The following LMBRD2 variants were observed in gnomAD, a reference collection of about 807,000 sequenced individuals.
LMBRD2 encodes the protein G protein-coupled receptor-associated protein LMBRD2.
Under a neutral mutation model 94.4 loss-of-function variants are expected in LMBRD2, and 55 were observed. That is an observed-to-expected ratio of 0.58 (90% CI 0.47 to 0.73). LMBRD2 has a LOEUF of 0.73. Among genes scored for constraint, LMBRD2 ranks in the 30% least tolerant of loss-of-function variants. The pLI is 0.00. For missense variants in LMBRD2, 640 were observed against 831.9 expected (o/e 0.77, Z 2.84); for synonymous variants, 246 against 272.4 (o/e 0.90, Z 0.95).
intron 9 of LMBRD2, among the ~76,000 whole-genome samples, chr5:36,118,648 G>T (rs924699594): frequency 6.0e-5 from 8 of 133,284 alleles, no homozygotes; most frequent in Non-Finnish European, 1.0e-4. Context: ...TACTGTTTTG[G>T]TTTTTTGTTT....
intron 1 of LMBRD2, among the ~76,000 whole-genome samples, chr5:36,144,328 A>G (rs1744487773): frequency 6.6e-6 from 1 of 152,334 alleles, no homozygotes; most frequent in East Asian, 1.9e-4. Context: ...TTATCTACAT[A>G]CTACAGTATT....
chr5:36,112,051 G>GGA (rs10661979), intron 13 of LMBRD2, among the ~76,000 whole-genome samples: 11,210 of 149,984 alleles, frequency 0.075, 1,304 homozygotes, highest in African/African-American at 0.25. Flanking sequence ...AAGTGGTGAA[G>GGA]GAGAGAGAGA....
intron 1 of LMBRD2, chr5:36,147,792 T>C (rs528488415): frequency 2.9e-4 from 93 of 325,510 alleles, no homozygotes; most frequent in South Asian, 2.0e-3. Flanking sequence ...TCCAAATGTT[T>C]TGAGAGAGAG....
intron 6 of LMBRD2, 127 bp downstream of exon 6, chr5:36,136,182 A>G: frequency 1.2e-6 from 1 of 824,186 alleles, no homozygotes; most frequent in Admixed American, 1.8e-5. Context: ...ATCCTGAAGG[A>G]TTGCACAACA....
In LMBRD2 at chr5:36,116,442, A is replaced by C. The variant is rs1743745715; in HGVS notation, c.1436+18T>G. 1 of 1,608,374 alleles carries C rather than the reference A, an allele frequency of 6.2e-7. No homozygotes were observed. Among genetic ancestry groups the C allele is most frequent in the East Asian group, 2.2e-5 (1 of 44,822 alleles). On this transcript the variant is annotated intron_variant, in intron 11 of 17. Coordinates refer to ENST00000296603, the MANE Select transcript of LMBRD2 (RefSeq NM_001007527.2). Reference sequence around the variant, plus strand: ...CAATGATGACATTTCTCTTGTTTCTAAACATAATCCTACTTACATGCCACT... The same window carrying C: ...CAATGATGACATTTCTCTTGTTTCTCAACATAATCCTACTTACATGCCACT...
At position 36,143,177 on chromosome 5, in the gene LMBRD2, G is replaced by A. The variant is rs757181435; in HGVS notation, c.173C>T (p.Thr58Met). 9 of 1,590,122 alleles carry A rather than the reference G, an allele frequency of 5.7e-6. No homozygotes were observed. The highest frequency in any genetic ancestry group is 3.5e-5 in the Admixed American group (2 of 56,756). The change falls in exon 2 of 18, where the codon ACG becomes ATG. Residue 58 changes from threonine (T) to methionine (M), a missense_variant and splice_region_variant. By Grantham distance (81) the Thr-to-Met change is moderately conservative (BLOSUM62 -1). Coordinates refer to ENST00000296603, the MANE Select transcript of LMBRD2 (RefSeq NM_001007527.2). Reference sequence around the variant, plus strand: ...GTGAAAATAAATTTCACTCCTTACCGTACTAACATCCAGAGGCAGTATGAA... The same window carrying A: ...GTGAAAATAAATTTCACTCCTTACCATACTAACATCCAGAGGCAGTATGAA... ...IVFILPLDVS[T>M]TIYNRCKHAA...
intron 9 of LMBRD2, 49 bp downstream of exon 9, chr5:36,122,231 C>G: frequency 7.4e-7 from 1 of 1,354,270 alleles, no homozygotes; most frequent in Non-Finnish European, 1.0e-6. Context: ...CTTCTTTCTA[C>G]AGAAAACTTT....
chr5:36,130,020 C>T (rs1744096159), intron 6 of LMBRD2, among the ~76,000 whole-genome samples: 1 of 151,922 alleles, frequency 6.6e-6, no homozygotes, highest in Non-Finnish European at 1.5e-5. Flanking sequence ...GGGAACATCA[C>T]ACACCAGGGT....
chr5:36,123,150 T>C (rs905554561), intron 7 of LMBRD2, among the ~76,000 whole-genome samples, 189 bp from the exon 8 acceptor site: 3 of 152,144 alleles, frequency 2.0e-5, no homozygotes, highest in Admixed American at 6.5e-5. Flanking sequence ...ATGTACTGAG[T>C]TTCTTCTCAC....
rs1207762382 is a variant in LMBRD2 at position 36,099,392 on chromosome 5, A to G, written c.*4654T>C. On this transcript the variant is annotated 3_prime_UTR_variant, in exon 18 of 18. Transcript: ENST00000296603. The stretch of plus-strand genomic sequence containing the variant: ...ATATTTTCTACCTTCTAAAATAAGA[A>G]AAATCCTTCGAGTTGTTTTCAAAAT... 6.6e-6 allele frequency: 1 copy of G among 152,166 alleles called. No individual in the cohort carries two copies. The highest frequency in any genetic ancestry group is 6.6e-5 in the Admixed American group (1 of 15,260). The allele number at this position is 152,166 out of a possible 1,614,324, so 9.4% of individuals were successfully genotyped here. A position where few individuals can be genotyped will look rare whatever the true frequency, so the allele number is the denominator to read the frequency against.
intron 4 of LMBRD2, among the ~76,000 whole-genome samples, chr5:36,140,273 G>T (rs1024772776): frequency 6.6e-6 from 1 of 152,232 alleles, no homozygotes; most frequent in Non-Finnish European, 1.5e-5. Context: ...GTCTGGCTGT[G>T]CTCAGTGGCT....
At chr5:36,116,901 C>A (rs1462271789) in intron 10 of LMBRD2, among the ~76,000 whole-genome samples, 2 of 152,008 alleles carry the variant, frequency 1.3e-5, no homozygotes, top group East Asian at 3.9e-4. Flanking sequence ...GTCTCAAACT[C>A]CTGATCTCAT....
rs1186124500 is a variant in LMBRD2 at position 36,102,778 on chromosome 5, G to A, written c.*1268C>T. On this transcript the variant is annotated 3_prime_UTR_variant, in exon 18 of 18. Transcript: ENST00000296603. ...CTGGGTGGGATACTTGAGGGTGAAA[G>A]TAATCACTAGTAATAAACAGGATAC... 4 of 151,836 alleles carry A rather than the reference G, an allele frequency of 2.6e-5. No individual in the cohort carries two copies. The East Asian group carries it at 7.8e-4, about 29-fold the overall frequency. The allele number at this position is 151,836 out of a possible 1,614,324, so 9.4% of individuals were successfully genotyped here.
chr5:36,105,259 C>G, intron 16 of LMBRD2, 62 bp from the exon 17 acceptor site: 1 of 1,467,894 alleles, frequency 6.8e-7, no homozygotes, highest in Middle Eastern at 1.8e-4. Flanking sequence ...GGGTCACAGT[C>G]TATGGAGGTA....
In LMBRD2 at chr5:36,151,689, C is replaced by T. The variant is rs1744718863; in HGVS notation, c.-191G>A. ...GCCCCGGACCCCAGACTCAAAAGCG[C>T]CTCACGCGTTCCGCCTTAGGCTCAC... On this transcript the variant is annotated 5_prime_UTR_variant, in exon 1 of 18. Transcript: ENST00000296603. This position sits in a 1 kb window ranked among gnomAD's most constrained non-coding sequence, Gnocchi z 4.7. The T allele has an allele frequency of 6.4e-6, 1 of 156,130 alleles. No individual in the cohort carries two copies. Among genetic ancestry groups the T allele is most frequent in the African/African-American group, 2.4e-5 (1 of 41,486 alleles). The allele number at this position is 156,130 out of a possible 1,614,324, so 9.7% of individuals were successfully genotyped here.
At chr5:36,113,147 C>A (rs1438136199) in intron 13 of LMBRD2, among the ~76,000 whole-genome samples, 3 of 152,136 alleles carry the variant, frequency 2.0e-5, no homozygotes, top group African/African-American at 7.2e-5. Context: ...GCGCCCTGGG[C>A]CTGGTAGTTA....
At chr5:36,150,952 G>A (rs1744687423) in intron 1 of LMBRD2, among the ~76,000 whole-genome samples, 1 of 152,324 alleles carries the variant, frequency 6.6e-6, no homozygotes, top group African/African-American at 2.4e-5. Flanking sequence ...CGATGAAGCT[G>A]TTATGCTTCC....
intron 9 of LMBRD2, among the ~76,000 whole-genome samples, chr5:36,121,869 T>A (rs190826381): frequency 1.3e-5 from 2 of 152,260 alleles, no homozygotes; most frequent in African/African-American, 4.8e-5. Context: ...AGCCTAGGAG[T>A]AATAAGCCAT....
At chr5:36,136,558 TG>T (rs766626664) in intron 5 of LMBRD2, 39 bp from the exon 6 acceptor site, 18 of 1,563,660 alleles carry the variant, frequency 1.2e-5, no homozygotes, top group Non-Finnish European at 1.6e-5. Context: ...TATATTTTAA[TG>T]GAAAGATAAA....
Sources: gnomAD v4.1 joint callset for allele counts (sites outside exome capture counted in the v4.1 genomes callset) on GRCh38, gnomAD v4.1.1 for gene constraint, Gnocchi (gnomAD v3.1) non-coding constraint, MANE v1.5 for transcripts, NCBI Gene and HGNC (gene_info 2026-07-23, HGNC 2026-07-21) for gene names.